Variants in FRS2 observed in about 807,000 individuals in gnomAD.
FRS2 encodes the protein fibroblast growth factor receptor substrate 2.
A neutral mutation model predicts 43.9 loss-of-function variants in FRS2; 8 were observed. That is an observed-to-expected ratio of 0.18 (90% CI 0.11 to 0.33). The LOEUF (loss-of-function observed/expected upper bound fraction) is 0.33, where lower values mean the gene tolerates loss of function less well. FRS2 is among the 10% of genes least tolerant of loss of function. The pLI, the probability that FRS2 is intolerant of heterozygous loss-of-function variation, is 1.00. For missense variants in FRS2, 534 were observed against 627.6 expected (o/e 0.85, Z 1.59); for synonymous variants, 219 against 220.3 (o/e 0.99, Z 0.05).
intron 3 of FRS2, among the ~76,000 whole-genome samples, chr12:69,535,991 A>G (rs1472355966): frequency 6.7e-6 from 1 of 149,508 alleles, no homozygotes; most frequent in East Asian, 2.0e-4. Context: ...AGGGCCCTCT[A>G]TCTGAACACA....
At chr12:69,470,617 CG>C (rs765506265) in intron 1 of FRS2, 87 bp downstream of exon 1, 5 of 280,442 alleles carry the variant, frequency 1.8e-5, no homozygotes, top group Non-Finnish European at 3.1e-5. Context: ...CTTCGGGATC[CG>C]GGCTGAGGGC....
intron 8 of FRS2, among the ~76,000 whole-genome samples, chr12:69,572,840 T>C (rs1880876808): frequency 6.6e-6 from 1 of 152,202 alleles, no homozygotes; most frequent in Admixed American, 6.5e-5. Flanking sequence ...GTTATATTAT[T>C]TACTGTAATT....
chr12:69,561,016 T>G (rs1362703057), intron 3 of FRS2, among the ~76,000 whole-genome samples: 2 of 152,180 alleles, frequency 1.3e-5, no homozygotes, highest in African/African-American at 4.8e-5. Context: ...ATAGAGATAT[T>G]TCTGACTTAA....
At chr12:69,498,794 A>G (rs1415394302) in intron 1 of FRS2, among the ~76,000 whole-genome samples, 1 of 152,196 alleles carries the variant, frequency 6.6e-6, no homozygotes, top group Non-Finnish European at 1.5e-5. Context: ...AGCCAAGCAC[A>G]TAAAGTCAGG....
In FRS2 at chr12:69,533,576, C is replaced by T. The variant is rs564180315; in HGVS notation, c.-122+1520C>T. 1.1e-4 allele frequency among the ~76,000 whole-genome samples: 17 copies of T among 152,064 alleles called. No individual in the cohort carries two copies. In the South Asian group the frequency reaches 1.2e-3, roughly 11 times the overall value. On this transcript the variant is annotated intron_variant, in intron 3 of 8. Transcript: ENST00000549921. ...GTTGGTCAGGCTGGTCTCGAACTCC[C>T]GACCTCAGGTGATCCGCCTGCCTTG...
rs568998595 is a variant in FRS2 at position 69,574,436 on chromosome 12, C to T, written c.1008C>T (p.Ile336=). 9.3e-6 allele frequency: 15 copies of T among 1,613,996 alleles called. No individual in the cohort carries two copies. The East Asian group carries it at 2.7e-4, about 29-fold the overall frequency. The change falls in exon 9 of 9, where the codon ATC becomes ATT. Residue 336 remains isoleucine, a synonymous_variant. Transcript: ENST00000549921. ...CCAGTACCTCAGATACCCAGAATATCAACAACTCAGCTCAGAGAAGAACTG... is the reference window on the plus strand; with the variant it reads ...CCAGTACCTCAGATACCCAGAATATTAACAACTCAGCTCAGAGAAGAACTG... The part of the protein sequence containing the change: ...TSTSTSDTQN[I]NNSAQRRTAL...
intron 3 of FRS2, among the ~76,000 whole-genome samples, chr12:69,553,055 A>ATTTTTGTTTTTGTTTTTG (rs371855261): frequency 3.3e-4 from 50 of 151,772 alleles, no homozygotes; most frequent in African/African-American, 9.0e-4. Flanking sequence ...ACTTAGAGCT[A>ATTTTTGTTTTTGTTTTTG]TTTTTGTTTT....
At chr12:69,522,490 CTTCTT>C (rs916937653) in intron 1 of FRS2, among the ~76,000 whole-genome samples, 4 of 151,954 alleles carry the variant, frequency 2.6e-5, no homozygotes, top group African/African-American at 9.7e-5. Context: ...TATCTTCTCA[CTTCTT>C]TTATTAGTCT....
rs575874031 is a variant in FRS2 at position 69,544,599 on chromosome 12, C to T, written c.-122+12543C>T. On this transcript the variant is annotated intron_variant, in intron 3 of 8. Transcript: ENST00000549921. ...GTGCGCACCTGTAATTCCAATTACTCAGGAGGCTGAGGCAGGAGAATCACT... is the reference window on the plus strand; with the variant it reads ...GTGCGCACCTGTAATTCCAATTACTTAGGAGGCTGAGGCAGGAGAATCACT... 2.0e-5 allele frequency among the ~76,000 whole-genome samples: 3 copies of T among 151,908 alleles called. No individual in the cohort carries two copies. In the East Asian group the frequency reaches 5.8e-4, roughly 29 times the overall value.
At chr12:69,566,389 G>A (rs1405361216) in intron 4 of FRS2, among the ~76,000 whole-genome samples, 2 of 152,060 alleles carry the variant, frequency 1.3e-5, no homozygotes, top group Non-Finnish European at 2.9e-5. Context: ...TTTAAAAAAT[G>A]TCTCTATCAA....
At chr12:69,515,585 T>A (rs1014048290) in intron 1 of FRS2, among the ~76,000 whole-genome samples, 1 of 151,898 alleles carries the variant, frequency 6.6e-6, no homozygotes, top group East Asian at 1.9e-4. Context: ...TCTCTCTCTC[T>A]CACACACATA....
chr12:69,474,058 G>A (rs1406092079), intron 1 of FRS2, among the ~76,000 whole-genome samples: 2 of 152,048 alleles, frequency 1.3e-5, no homozygotes, highest in Non-Finnish European at 2.9e-5. Flanking sequence ...GACCAGGATG[G>A]TCTCGATCTC....
In FRS2 at chr12:69,576,047, A is replaced by G. The variant is rs1041107371; in HGVS notation, c.*1092A>G. 3.3e-5 allele frequency: 5 copies of G among 152,708 alleles called. No individual in the cohort carries two copies. Among genetic ancestry groups the G allele is most frequent in the South Asian group, 4.1e-4 (2 of 4,822 alleles). The allele number at this position is 152,708 out of a possible 1,614,324, so 9.5% of individuals were successfully genotyped here. A position where few individuals can be genotyped will look rare whatever the true frequency, so the allele number is the denominator to read the frequency against. On this transcript the variant is annotated 3_prime_UTR_variant, in exon 9 of 9. Coordinates refer to ENST00000549921, the MANE Select transcript of FRS2 (RefSeq NM_001278356.2). ...TTCAAGTTGATAAAAACATTCTCCA[A>G]TTCTAAATTTGCTTGTGTCCATAGG...
chr12:69,522,190 TTGTGTGTGTGTGTGTGTGTGTGTGTG>T (rs201103216), intron 1 of FRS2, among the ~76,000 whole-genome samples: 2 of 134,714 alleles, frequency 1.5e-5, no homozygotes, highest in Non-Finnish European at 3.1e-5. Flanking sequence ...GAAGTTTTCT[TTGTGTGTGTGTGTGTGTGTGTGTGTG>T]TGTGTGTGTG....
intron 1 of FRS2, among the ~76,000 whole-genome samples, chr12:69,485,734 C>G (rs967165353): frequency 2.0e-5 from 3 of 152,192 alleles, no homozygotes; most frequent in African/African-American, 7.2e-5. Flanking sequence ...TCCCAAAGTG[C>G]TGGGATTACA....
At position 69,507,092 on chromosome 12, in the gene FRS2, T is replaced by C. The variant is rs1874008737; in HGVS notation, c.-260-23773T>C. Among the ~76,000 whole-genome samples the C allele has an allele frequency of 2.0e-5, 3 of 152,186 alleles. No homozygotes were observed. The South Asian group carries it at 6.2e-4, about 31-fold the overall frequency. ...TCGACCTTGGGCTTCCCTGCTTCCATAACTGTAAGAAATAAATTTCATATC... is the reference window on the plus strand; with the variant it reads ...TCGACCTTGGGCTTCCCTGCTTCCACAACTGTAAGAAATAAATTTCATATC... On this transcript the variant is annotated intron_variant, in intron 1 of 8. Transcript: ENST00000549921.
At chr12:69,505,743 G>C (rs1395922600) in intron 1 of FRS2, among the ~76,000 whole-genome samples, 1 of 152,158 alleles carries the variant, frequency 6.6e-6, no homozygotes, top group Non-Finnish European at 1.5e-5. Context: ...ATTTGTAGTG[G>C]AGGAAAAGTC....
At chr12:69,512,477 A>G (rs1211252193) in intron 1 of FRS2, among the ~76,000 whole-genome samples, 3 of 152,212 alleles carry the variant, frequency 2.0e-5, no homozygotes, top group Non-Finnish European at 4.4e-5. Context: ...AGCTCACACT[A>G]CATTTAGTAT....
intron 1 of FRS2, among the ~76,000 whole-genome samples, chr12:69,482,007 T>C (rs1054591523): frequency 1.3e-5 from 2 of 151,724 alleles, no homozygotes; most frequent in African/African-American, 4.8e-5. Context: ...TTTTTTTTTT[T>C]TCCTTAGTGA....
Sources: gnomAD v4.1 joint callset for allele counts (sites outside exome capture counted in the v4.1 genomes callset) on GRCh38, gnomAD v4.1.1 for gene constraint, MANE v1.5 for transcripts, NCBI Gene and HGNC (gene_info 2026-07-23, HGNC 2026-07-21) for gene names.